FBXW11: variants seen among roughly 807,000 people sequenced by gnomAD.
The protein encoded by FBXW11 is F-box/WD repeat-containing protein 11.
A neutral mutation model predicts 77.6 loss-of-function variants in FBXW11; 19 were observed. That is an observed-to-expected ratio of 0.24 (90% CI 0.17 to 0.36). FBXW11 has a LOEUF of 0.36. Ranked by LOEUF, FBXW11 falls within the 10% of genes least tolerant of loss-of-function variation. The pLI, the probability that FBXW11 is intolerant of heterozygous loss-of-function variation, is 1.00. For synonymous variants in FBXW11, 235 were observed against 249.4 expected (o/e 0.94, Z 0.54); for missense variants, 334 against 704.2 (o/e 0.47, Z 5.95).
chr5:171,878,792 A>G (rs1265245026), intron 7 of FBXW11, among the ~76,000 whole-genome samples: 1 of 152,026 alleles, frequency 6.6e-6, no homozygotes, highest in Non-Finnish European at 1.5e-5. Flanking sequence ...CTGCTTTGTC[A>G]TTTTATTTTT....
At chr5:171,871,344 C>T (rs1757741169) in intron 10 of FBXW11, among the ~76,000 whole-genome samples, 1 of 152,028 alleles carries the variant, frequency 6.6e-6, no homozygotes, top group South Asian at 2.1e-4. Flanking sequence ...GTTAAGCTTC[C>T]GCCCCAGGCA....
chr5:171,920,568 A>T (rs917369495), intron 2 of FBXW11, among the ~76,000 whole-genome samples: 8 of 152,120 alleles, frequency 5.3e-5, no homozygotes, highest in African/African-American at 1.9e-4. Context: ...TCTTAAAAAA[A>T]TTTAAAAATA....
intron 2 of FBXW11, among the ~76,000 whole-genome samples, chr5:171,956,035 G>C (rs1763590309): frequency 6.6e-6 from 1 of 152,058 alleles, no homozygotes; most frequent in African/African-American, 2.4e-5. Context: ...GCAATAAAAA[G>C]AATCCGCACT....
At chr5:171,919,260 G>A (rs1386238737) in intron 2 of FBXW11, among the ~76,000 whole-genome samples, 1 of 152,102 alleles carries the variant, frequency 6.6e-6, no homozygotes, top group Non-Finnish European at 1.5e-5. Flanking sequence ...ATGGAGCCTA[G>A]GCATACGTTT....
chr5:171,894,411 G>C (rs1284034908), intron 6 of FBXW11, among the ~76,000 whole-genome samples: 2 of 152,218 alleles, frequency 1.3e-5, no homozygotes, highest in Non-Finnish European at 2.9e-5. Context: ...AATTCTTGAT[G>C]TGTCATTTTA....
chr5:171,997,490 A>G (rs535233091), intron 1 of FBXW11, among the ~76,000 whole-genome samples: 5 of 152,364 alleles, frequency 3.3e-5, no homozygotes, highest in Admixed American at 3.3e-4. Flanking sequence ...AAAGATATTT[A>G]TTTACGTACC....
At chr5:171,925,233 A>C (rs1390959108) in intron 2 of FBXW11, among the ~76,000 whole-genome samples, 5 of 152,176 alleles carry the variant, frequency 3.3e-5, no homozygotes, top group African/African-American at 1.2e-4. Context: ...TACATTGAAA[A>C]CCCCTGAAAA....
chr5:171,944,239 T>C (rs1449057680), intron 2 of FBXW11, among the ~76,000 whole-genome samples: 2 of 151,754 alleles, frequency 1.3e-5, no homozygotes, highest in South Asian at 4.1e-4. Flanking sequence ...TAATAAATTA[T>C]ATATATAATA....
At chr5:171,936,455 T>G (rs1176325542) in intron 2 of FBXW11, among the ~76,000 whole-genome samples, 3 of 137,784 alleles carry the variant, frequency 2.2e-5, no homozygotes, top group Non-Finnish European at 4.6e-5. Flanking sequence ...ATGATCATGC[T>G]ACTGCACTCC....
At chr5:171,948,234 C>CAAACA (rs1763118988) in intron 2 of FBXW11, among the ~76,000 whole-genome samples, 1 of 44,336 alleles carries the variant, frequency 2.3e-5, no homozygotes, top group Admixed American at 2.3e-4. Flanking sequence ...GACTCCAACT[C>CAAACA]AAAAAAAAAA....
At chr5:171,938,961 C>T (rs111452403) in intron 2 of FBXW11, among the ~76,000 whole-genome samples, 13 of 152,058 alleles carry the variant, frequency 8.5e-5, no homozygotes, top group Admixed American at 2.0e-4. Context: ...ATAGGCCAGG[C>T]GCAGTGGCTC....
In FBXW11 at chr5:171,957,638, G is replaced by A; in HGVS notation, c.106C>T (p.Leu36=). ...CANLVESMCA[L]SCLQSMPSVR... is the part of the protein sequence containing the mutation. Reference sequence around the variant, plus strand: ...CTGGGCATGCTCTGCAGGCAACTCAGTGCGCACATGCTCTCTACCAGGTTG... The same window carrying A: ...CTGGGCATGCTCTGCAGGCAACTCAATGCGCACATGCTCTCTACCAGGTTG... Residue 36 remains leucine (L), a synonymous_variant, in exon 2 of 14, where the codon CTG becomes TTG. Transcript: ENST00000517395. The A allele has an allele frequency of 6.2e-7, 1 of 1,614,210 alleles. No individual in the cohort carries two copies. Among genetic ancestry groups the A allele is most frequent in the South Asian group, 1.1e-5 (1 of 91,092 alleles).
chr5:171,979,841 G>A (rs1765049652), intron 1 of FBXW11, among the ~76,000 whole-genome samples: 1 of 152,124 alleles, frequency 6.6e-6, no homozygotes, highest in African/African-American at 2.4e-5. Flanking sequence ...GAACAAACGA[G>A]ACAGGGTCAT....
At chr5:171,891,793 T>C (rs1437192668) in intron 6 of FBXW11, among the ~76,000 whole-genome samples, 189 bp from the exon 7 acceptor site, 1 of 152,084 alleles carries the variant, frequency 6.6e-6, no homozygotes, top group African/African-American at 2.4e-5. Flanking sequence ...TTTCTTAAAC[T>C]TTCCCTGCCC....
chr5:171,908,509 A>C (rs4868130), intron 4 of FBXW11, among the ~76,000 whole-genome samples: 120,602 of 152,180 alleles, frequency 0.79, 51,391 homozygotes, highest in East Asian at 0.97. Context: ...AACAGGACTA[A>C]GTGATGGCTA....
intron 1 of FBXW11, among the ~76,000 whole-genome samples, chr5:171,998,671 C>A (rs183269365): frequency 6.6e-6 from 1 of 151,636 alleles, no homozygotes; most frequent in Non-Finnish European, 1.5e-5. Context: ...GTGGCACATG[C>A]CTACAATCCC....
intron 1 of FBXW11, among the ~76,000 whole-genome samples, chr5:171,992,925 T>C (rs1051139934): frequency 6.6e-6 from 1 of 151,632 alleles, no homozygotes; most frequent in Admixed American, 6.6e-5. Flanking sequence ...TTTCTCAGAG[T>C]TGAAAATGAA....
intron 2 of FBXW11, among the ~76,000 whole-genome samples, chr5:171,927,045 T>C (rs1335516665): frequency 2.0e-5 from 3 of 151,940 alleles, no homozygotes; most frequent in Non-Finnish European, 2.9e-5. Flanking sequence ...CTAGATAGAC[T>C]GAAGATCTAA....
chr5:171,879,124 C>T (rs1758336204), intron 7 of FBXW11, among the ~76,000 whole-genome samples: 1 of 152,196 alleles, frequency 6.6e-6, no homozygotes, highest in South Asian at 2.1e-4. Context: ...TGTTTTCACA[C>T]TCTGAGTGTT....
Sources: allele counts gnomAD v4.1 joint callset (sites outside exome capture counted in the v4.1 genomes callset), GRCh38; gene constraint gnomAD v4.1.1; transcripts MANE v1.5; gene names NCBI Gene and HGNC (gene_info 2026-07-23, HGNC 2026-07-21).